Variants in EXOC6B observed in about 807,000 individuals in gnomAD.
The protein encoded by EXOC6B is exocyst complex component 6B.
EXOC6B carries 54 observed loss-of-function variants against 113.5 expected under a neutral mutation model. The observed-to-expected ratio is 0.48, with a 90% CI of 0.38 to 0.60. The LOEUF is 0.60. EXOC6B is among the 20% of genes least tolerant of loss of function. EXOC6B has a pLI of 0.00. For missense variants in EXOC6B, 797 were observed against 977.5 expected (o/e 0.82, Z 2.46); for synonymous variants, 357 against 339.0 (o/e 1.05, Z -0.58).
At chr2:72,583,949 T>A (rs950933546) in intron 6 of EXOC6B, among the ~76,000 whole-genome samples, 3 of 152,168 alleles carry the variant, frequency 2.0e-5, no homozygotes, top group African/African-American at 7.2e-5. Flanking sequence ...CTCAAACTCC[T>A]GACCTCAAGT....
chr2:72,629,286 C>CA, intron 6 of EXOC6B, among the ~76,000 whole-genome samples: 1 of 152,196 alleles, frequency 6.6e-6, no homozygotes. Flanking sequence ...ACTATTCATA[C>CA]AGCCTTGGCT....
chr2:72,661,668 C>T (rs1193768721), intron 6 of EXOC6B, among the ~76,000 whole-genome samples: 1 of 151,680 alleles, frequency 6.6e-6, no homozygotes, highest in East Asian at 1.9e-4. Context: ...AATTAAAATC[C>T]CAGCAGGAAT....
intron 20 of EXOC6B, among the ~76,000 whole-genome samples, chr2:72,201,846 GTTTACA>G (rs533128504): frequency 1.9e-3 from 288 of 152,210 alleles, no homozygotes; most frequent in Non-Finnish European, 3.6e-3. Context: ...GAGAGTCCAA[GTTTACA>G]TTTTCCTTGA....
chr2:72,600,873 C>A (rs1178863988), intron 6 of EXOC6B, among the ~76,000 whole-genome samples: 2 of 151,836 alleles, frequency 1.3e-5, no homozygotes, highest in African/African-American at 4.8e-5. Flanking sequence ...TTTAAAACAT[C>A]TCTGTAAAAA....
intron 2 of EXOC6B, among the ~76,000 whole-genome samples, chr2:72,739,814 T>C (rs937391265): frequency 3.3e-5 from 5 of 152,150 alleles, no homozygotes; most frequent in Non-Finnish European, 7.4e-5. Context: ...AGGGGTACTA[T>C]TGAGAGATTT....
chr2:72,397,626 A>AAAAAATAAAT lies in EXOC6B; in HGVS notation c.1981-17757_1981-17756insATTTATTTTT, dbSNP rs1297110503. ...AGGTGAAACCTCATCTCAAAAAAAA[A>AAAAAATAAAT]AAATAAAATAAAATAAAATAAAATA... On this transcript the variant is annotated intron_variant, in intron 18 of 21. Coordinates refer to ENST00000272427, the MANE Select transcript of EXOC6B (RefSeq NM_015189.3). Among the ~76,000 whole-genome samples the AAAAAATAAAT allele has an allele frequency of 1.0e-3, 137 of 131,634 alleles. 3 individuals are homozygous for AAAAAATAAAT. Among genetic ancestry groups the AAAAAATAAAT allele is most frequent in the African/African-American group, 3.9e-3 (127 of 32,450 alleles). 86.4% of individuals were successfully genotyped at this position (131,634 alleles called of 152,430 possible).
intron 6 of EXOC6B, among the ~76,000 whole-genome samples, chr2:72,589,920 A>C (rs1463388341): frequency 6.6e-6 from 1 of 152,062 alleles, no homozygotes; most frequent in Admixed American, 6.6e-5. Flanking sequence ...AATGAAAAGA[A>C]GAAATTCAAA....
intron 19 of EXOC6B, among the ~76,000 whole-genome samples, chr2:72,360,585 G>A (rs146000690): frequency 3.9e-5 from 6 of 152,164 alleles, no homozygotes; most frequent in South Asian, 2.1e-4. Flanking sequence ...CCATGTGATC[G>A]CTTTTAACAA....
chr2:72,605,535 A>G (rs1670702806), intron 6 of EXOC6B, among the ~76,000 whole-genome samples: 1 of 152,192 alleles, frequency 6.6e-6, no homozygotes, highest in South Asian at 2.1e-4. Context: ...CTCAAACATA[A>G]AAGTAACCAA....
At chr2:72,330,460 C>G (rs1035507470) in intron 20 of EXOC6B, among the ~76,000 whole-genome samples, 1 of 151,952 alleles carries the variant, frequency 6.6e-6, no homozygotes, top group Non-Finnish European at 1.5e-5. Flanking sequence ...CAGTCTAGAT[C>G]CTAATTAAAC....
intron 8 of EXOC6B, among the ~76,000 whole-genome samples, chr2:72,551,660 A>C (rs1256891034): frequency 1.4e-5 from 2 of 147,946 alleles, no homozygotes; most frequent in South Asian, 2.2e-4. Flanking sequence ...GCCCGCCACC[A>C]CGCCCGGCTA....
At chr2:72,581,245 TCA>T (rs1340935725) in intron 6 of EXOC6B, among the ~76,000 whole-genome samples, 2 of 152,226 alleles carry the variant, frequency 1.3e-5, no homozygotes, top group African/African-American at 4.8e-5. Flanking sequence ...CAGGGTTTTT[TCA>T]CACTTATCAG....
chr2:72,486,719 C>T (rs1453063878), intron 16 of EXOC6B, among the ~76,000 whole-genome samples: 1 of 152,150 alleles, frequency 6.6e-6, no homozygotes, highest in Non-Finnish European at 1.5e-5. Context: ...ATGCCAATCC[C>T]TTTAACTGTG....
At chr2:72,643,222 A>G (rs1673403903) in intron 6 of EXOC6B, among the ~76,000 whole-genome samples, 1 of 152,180 alleles carries the variant, frequency 6.6e-6, no homozygotes, top group African/African-American at 2.4e-5. Flanking sequence ...TCAGGGATCT[A>G]GAACTGGAAA....
intron 19 of EXOC6B, among the ~76,000 whole-genome samples, chr2:72,364,567 T>C (rs1690501337): frequency 6.6e-6 from 1 of 152,148 alleles, no homozygotes; most frequent in African/African-American, 2.4e-5. Flanking sequence ...TTCCACCTTT[T>C]CATTAAATGC....
chr2:72,463,182 T>C (rs1004867454), intron 18 of EXOC6B: 1 of 152,136 alleles, frequency 6.6e-6, no homozygotes, highest in African/African-American at 2.4e-5. Flanking sequence ...GGAATTGACT[T>C]GCTAAAATTT....
chr2:72,196,662 A>T (rs534022802), intron 20 of EXOC6B, among the ~76,000 whole-genome samples: 237 of 152,314 alleles, frequency 1.6e-3, no homozygotes, highest in African/African-American at 5.5e-3. Context: ...TCAAATTTCA[A>T]AAGGGTTCTG....
intron 20 of EXOC6B, among the ~76,000 whole-genome samples, chr2:72,232,112 T>C (rs1286697445): frequency 6.6e-6 from 1 of 152,118 alleles, no homozygotes; most frequent in East Asian, 1.9e-4. Context: ...TAGCTGGGAC[T>C]ACAGGCGTGC....
intron 1 of EXOC6B, among the ~76,000 whole-genome samples, chr2:72,810,720 C>A (rs991356881): frequency 6.6e-6 from 1 of 151,916 alleles, no homozygotes; most frequent in African/African-American, 2.4e-5. Flanking sequence ...AAATATGACA[C>A]AATACCAATA....
Sources: allele counts gnomAD v4.1 joint callset (sites outside exome capture counted in the v4.1 genomes callset), GRCh38; gene constraint gnomAD v4.1.1; transcripts MANE v1.5; gene names NCBI Gene and HGNC (gene_info 2026-07-23, HGNC 2026-07-21).